Variants in SLC35F3 observed in about 807,000 individuals in gnomAD.
SLC35F3 encodes solute carrier family 35 member F3, also known as putative thiamine transporter SLC35F3.
SLC35F3 carries 25 observed loss-of-function variants against 49.9 expected under a neutral mutation model. The ratio of observed to expected loss-of-function variants is 0.50; its 90% CI spans 0.37 to 0.70. The LOEUF (loss-of-function observed/expected upper bound fraction) is 0.70. Ranked by LOEUF, SLC35F3 falls within the 30% of genes least tolerant of loss-of-function variation. SLC35F3 has a pLI of 0.00. For missense variants in SLC35F3, 525 were observed against 639.8 expected (o/e 0.82, Z 1.94); for synonymous variants, 275 against 265.4 (o/e 1.04, Z -0.35).
intron 2 of SLC35F3, among the ~76,000 whole-genome samples, chr1:234,131,717 G>A (rs1665739048): frequency 1.3e-5 from 2 of 152,198 alleles, no homozygotes; most frequent in South Asian, 4.1e-4. Context: ...GCTGCTCACT[G>A]TGTGTCTTTC....
chr1:233,945,075 G>A (rs1213608834), intron 2 of SLC35F3, among the ~76,000 whole-genome samples: 2 of 151,940 alleles, frequency 1.3e-5, no homozygotes, highest in African/African-American at 4.8e-5. Context: ...GTGGATTTTT[G>A]TTGTTCTGTT....
At chr1:233,959,864 C>G (rs1277577707) in intron 2 of SLC35F3, among the ~76,000 whole-genome samples, 1 of 152,188 alleles carries the variant, frequency 6.6e-6, no homozygotes. Flanking sequence ...CCCAGATATC[C>G]TGACTGTGAT....
chr1:234,192,564 A>C (rs1335523036), intron 2 of SLC35F3, among the ~76,000 whole-genome samples: 1 of 152,178 alleles, frequency 6.6e-6, no homozygotes, highest in Non-Finnish European at 1.5e-5. Flanking sequence ...CACTACTTCT[A>C]TTCAACATAG....
At chr1:234,069,126 TA>T (rs1159873820) in intron 2 of SLC35F3, among the ~76,000 whole-genome samples, 6 of 133,100 alleles carry the variant, frequency 4.5e-5, no homozygotes, top group Admixed American at 8.6e-5. Flanking sequence ...TTTTTGTATA[TA>T]AAATATATAA....
chr1:234,174,931 C>T (rs947570759), intron 2 of SLC35F3, among the ~76,000 whole-genome samples: 1 of 152,206 alleles, frequency 6.6e-6, no homozygotes, highest in African/African-American at 2.4e-5. Flanking sequence ...CTGAGATCTG[C>T]ATCCAACAAA....
At chr1:234,229,544 T>C (rs1667335926) in intron 2 of SLC35F3, among the ~76,000 whole-genome samples, 1 of 152,236 alleles carries the variant, frequency 6.6e-6, no homozygotes, top group Non-Finnish European at 1.5e-5. Flanking sequence ...AATGAAAACA[T>C]TCAATGAAGA....
rs373076642 is a variant in SLC35F3 at position 233,925,387 on chromosome 1, A to G, written c.283+19629A>G. 8.5e-5 allele frequency among the ~76,000 whole-genome samples: 13 copies of G among 152,198 alleles called. No homozygotes were observed. The East Asian group carries it at 1.4e-3, about 16-fold the overall frequency. On this transcript the variant is annotated intron_variant, in intron 2 of 7. Transcript: ENST00000366618. ...GAATTGATCCCTTTACCATTATGTA[A>G]TGGCCTTCTTTGTGTCTTTTGATCT...
intron 2 of SLC35F3, among the ~76,000 whole-genome samples, chr1:233,912,406 G>A (rs1661892206): frequency 6.6e-6 from 1 of 152,122 alleles, no homozygotes; most frequent in Non-Finnish European, 1.5e-5. Context: ...GAATCCGGGA[G>A]GCGGAGGTTG....
At chr1:234,077,037 G>T (rs1458869281) in intron 2 of SLC35F3, among the ~76,000 whole-genome samples, 1 of 132,100 alleles carries the variant, frequency 7.6e-6, no homozygotes, top group Non-Finnish European at 1.5e-5. Flanking sequence ...TCGCTCTGTC[G>T]CCCAGGCCGG....
At chr1:234,093,548 G>A (rs1226139371) in intron 2 of SLC35F3, among the ~76,000 whole-genome samples, 1 of 152,174 alleles carries the variant, frequency 6.6e-6, no homozygotes. Context: ...TCCTAAAATT[G>A]CTTCAAGTCC....
At chr1:233,930,159 A>AG (rs1662220045) in intron 2 of SLC35F3, among the ~76,000 whole-genome samples, 1 of 81,864 alleles carries the variant, frequency 1.2e-5, no homozygotes, top group Non-Finnish European at 3.3e-5. Flanking sequence ...TTAAAAGAAA[A>AG]AAAAAAAAGG....
At chr1:233,922,640 T>C (rs1027359955) in intron 2 of SLC35F3, among the ~76,000 whole-genome samples, 1 of 152,192 alleles carries the variant, frequency 6.6e-6, no homozygotes, top group African/African-American at 2.4e-5. Context: ...GTGCAGCAAC[T>C]CTTTAGTTTA....
chr1:234,035,608 G>T (rs1430874051), intron 2 of SLC35F3, among the ~76,000 whole-genome samples: 1 of 152,026 alleles, frequency 6.6e-6, no homozygotes. Context: ...ACCTGGCCCT[G>T]GCCCTCTAAT....
intron 2 of SLC35F3, among the ~76,000 whole-genome samples, chr1:233,930,446 G>A (rs1662224498): frequency 6.6e-6 from 1 of 152,174 alleles, no homozygotes; most frequent in African/African-American, 2.4e-5. Flanking sequence ...AAGGTGAGAT[G>A]AGAACTATTG....
At chr1:234,171,222 G>A (rs893197826) in intron 2 of SLC35F3, among the ~76,000 whole-genome samples, 2 of 152,206 alleles carry the variant, frequency 1.3e-5, no homozygotes, top group African/African-American at 4.8e-5. Flanking sequence ...CTCTCCAGGG[G>A]ATTCTGCATA....
rs1263259014 is a variant in SLC35F3 at position 234,108,423 on chromosome 1, A to AT, written c.284-122993dup. On this transcript the variant is annotated intron_variant, in intron 2 of 7. Coordinates refer to ENST00000366618, the MANE Select transcript of SLC35F3 (RefSeq NM_173508.4). ...TTTATATATATGATATATATTATTTATATATAAAAGATATATATAAAAGAT... is the reference window on the plus strand; with the variant it reads ...TTTATATATATGATATATATTATTTATTATATAAAAGATATATATAAAAGAT... Among the ~76,000 whole-genome samples the AT allele has an allele frequency of 6.2e-5, 6 of 96,464 alleles. 1 individual carries two copies. The highest frequency in any genetic ancestry group is 4.3e-3 in the East Asian group (2 of 470). 63.3% of individuals were successfully genotyped at this position (96,464 alleles called of 152,430 possible). A position where few individuals can be genotyped will look rare whatever the true frequency, so the allele number is the denominator to read the frequency against.
At chr1:234,101,407 C>T (rs1665211352) in intron 2 of SLC35F3, among the ~76,000 whole-genome samples, 1 of 152,156 alleles carries the variant, frequency 6.6e-6, no homozygotes, top group Non-Finnish European at 1.5e-5. Flanking sequence ...GAGATAGTAA[C>T]AGAACCAACA....
At chr1:233,941,687 C>T (rs1321326903) in intron 2 of SLC35F3, among the ~76,000 whole-genome samples, 1 of 152,162 alleles carries the variant, frequency 6.6e-6, no homozygotes, top group East Asian at 1.9e-4. Flanking sequence ...GACACCAATC[C>T]TGCAATTGCT....
intron 3 of SLC35F3, among the ~76,000 whole-genome samples, chr1:234,256,212 C>T (rs1267412092): frequency 6.6e-6 from 1 of 151,962 alleles, no homozygotes; most frequent in African/African-American, 2.4e-5. Flanking sequence ...ATATAGTTTA[C>T]CAATGCAATG....
Sources: allele counts gnomAD v4.1 joint callset (sites outside exome capture counted in the v4.1 genomes callset), GRCh38; gene constraint gnomAD v4.1.1; transcripts MANE v1.5; gene names NCBI Gene and HGNC (gene_info 2026-07-23, HGNC 2026-07-21).